The following EHD2 variants were observed in gnomAD, a reference collection of about 807,000 sequenced individuals.
EHD2 encodes the protein EH domain-containing protein 2.
EHD2 carries 27 observed loss-of-function variants against 41.0 expected under a neutral mutation model. The observed-to-expected ratio is 0.66, with a 90% CI of 0.49 to 0.91. The LOEUF is 0.91. Ranked by LOEUF, EHD2 falls within the 40% of genes least tolerant of loss-of-function variation. The pLI is 0.00. For missense variants in EHD2, 673 were observed against 773.9 expected (o/e 0.87, Z 1.55); for synonymous variants, 342 against 341.0 (o/e 1.00, Z -0.03).
Position 47,725,968 on chromosome 19 carries a change from A to G in EHD2, c.659A>G (p.Lys220Arg). The stretch of plus-strand genomic sequence containing the variant: ...GACAAGATCCGCGTGGTGCTCAACA[A>G]GGCCGACATGGTGGAGACGCAGCAG... ...HEDKIRVVLN[K>R]ADMVETQQLM... Residue 220 changes from lysine to arginine, a missense_variant, in exon 4 of 6, where the codon AAG becomes AGG. Physicochemically the swap from Lys to Arg is conservative, Grantham distance 26. Transcript: ENST00000263277. 1 of 1,613,032 alleles carries G rather than the reference A, an allele frequency of 6.2e-7. No individual in the cohort carries two copies. The highest frequency in any genetic ancestry group is 8.5e-7 in the Non-Finnish European group (1 of 1,179,238).
chr19:47,733,751 CAAAAAA>C (rs34254815), intron 4 of EHD2, among the ~76,000 whole-genome samples: 1 of 57,116 alleles, frequency 1.8e-5, no homozygotes, highest in Non-Finnish European at 3.3e-5. Context: ...GACTCTGTCT[CAAAAAA>C]AAAAAAAAAA....
intron 3 of EHD2, 96 bp from the exon 4 acceptor site, chr19:47,725,716 C>A: frequency 6.9e-7 from 1 of 1,454,892 alleles, no homozygotes; most frequent in East Asian, 2.3e-5. Context: ...TCTTTACAGT[C>A]CAATATGCAA....
chr19:47,722,249 A>G (rs1973704780), intron 3 of EHD2, among the ~76,000 whole-genome samples: 1 of 151,830 alleles, frequency 6.6e-6, no homozygotes. Context: ...CCCATCCCAC[A>G]CTGACTCAAC....
rs963586124 is a variant in EHD2, at chr19:47,741,163, G to A, written c.1363G>A (p.Glu455Lys). ...GACCAAGGACAAGTCCAAATACGAC[G>A]AGATCTTCTACAACCTGGCGCCTGC... ...VVTKDKSKYD[E>K]IFYNLAPADG... The change falls in exon 6 of 6, where the codon GAG (glutamate) becomes AAG (lysine). Residue 455 changes from glutamate to lysine, a missense_variant. Transcript: ENST00000263277. This position sits in a 1 kb window ranked among gnomAD's most constrained non-coding sequence, Gnocchi z 4.5. The A allele has an allele frequency of 6.2e-6, 10 of 1,613,246 alleles. No individual in the cohort carries two copies. Among genetic ancestry groups the A allele is most frequent in the African/African-American group, 1.3e-5 (1 of 74,928 alleles).
intron 3 of EHD2, among the ~76,000 whole-genome samples, chr19:47,723,653 G>GA (rs11407002): frequency 0.5 from 35,258 of 71,058 alleles, 8,631 homozygotes; most frequent in Middle Eastern, 0.56. Context: ...GACTCCGTCT[G>GA]AAAAAAAAAA....
intron 4 of EHD2, among the ~76,000 whole-genome samples, chr19:47,728,570 T>A (rs1330452661): frequency 7.2e-6 from 1 of 139,562 alleles, no homozygotes; most frequent in Non-Finnish European, 1.6e-5. Context: ...TTTCTTTCTT[T>A]CTTTTTTTTT....
At chr19:47,740,236 G>A (rs992311749) in intron 5 of EHD2, among the ~76,000 whole-genome samples, 7 of 151,686 alleles carry the variant, frequency 4.6e-5, no homozygotes, top group Non-Finnish European at 8.8e-5. Flanking sequence ...GCGTAGTGGC[G>A]CACACCTATA....
chr19:47,726,173 C>G lies in EHD2; in HGVS notation c.864C>G (p.His288Gln), dbSNP rs1217864352. ...LFRDIQGLPR[H>Q]AALRKLNDLV... ...GCGACATCCAGGGCCTGCCCCGGCA[C>G]GCAGCCTTGCGCAAGCTCAACGACC... Residue 288 changes from histidine (H) to glutamine (Q), a missense_variant, in exon 4 of 6, where the codon CAC becomes CAG. Coordinates refer to ENST00000263277, the MANE Select transcript of EHD2 (RefSeq NM_014601.4). 1.3e-6 allele frequency: 2 copies of G among 1,564,812 alleles called. No homozygotes were observed. Among genetic ancestry groups the G allele is most frequent in the African/African-American group, 1.4e-5 (1 of 73,794 alleles).
intron 4 of EHD2, among the ~76,000 whole-genome samples, chr19:47,732,833 C>T (rs1240691511): frequency 6.6e-6 from 1 of 152,040 alleles, no homozygotes; most frequent in African/African-American, 2.4e-5. Flanking sequence ...CCTGTAATCC[C>T]AGCACTTTGG....
chr19:47,724,442 T>C (rs11879049), intron 3 of EHD2, among the ~76,000 whole-genome samples: 25,906 of 152,172 alleles, frequency 0.17, 2,577 homozygotes, highest in African/African-American at 0.27. Context: ...GGTCACACAG[T>C]GGATGGGGGC....
At chr19:47,728,571 C>CTTTTTT (rs761204748) in intron 4 of EHD2, among the ~76,000 whole-genome samples, 2 of 131,158 alleles carry the variant, frequency 1.5e-5, no homozygotes, top group Non-Finnish European at 3.2e-5. Flanking sequence ...TTCTTTCTTT[C>CTTTTTT]TTTTTTTTTT....
Position 47,731,279 on chromosome 19 carries a change from A to AAAAATAT in EHD2, c.915+5056_915+5057insAAATATA. ...ATTTGTGATTCTTTAAAAAAAAAAA[A>AAAAATAT]ATATATATATATATATATATATACA... On this transcript the variant is annotated intron_variant, in intron 4 of 5. Transcript: ENST00000263277. 6.9e-3 allele frequency: 423 copies of AAAAATAT among 60,918 alleles called. 8 individuals carry two copies. Among genetic ancestry groups the AAAAATAT allele is most frequent in the African/African-American group, 0.019 (389 of 20,468 alleles). The allele number at this position is 60,918 out of a possible 1,614,324, so 3.8% of individuals were successfully genotyped here.
intron 3 of EHD2, among the ~76,000 whole-genome samples, chr19:47,723,043 C>G (rs956284043): frequency 6.6e-6 from 1 of 152,218 alleles, no homozygotes; most frequent in African/African-American, 2.4e-5. Flanking sequence ...CCTCCGGGTT[C>G]CCACTCTGCC....
intron 3 of EHD2, among the ~76,000 whole-genome samples, chr19:47,722,694 TA>T (rs1973709944): frequency 1.3e-5 from 2 of 151,912 alleles, no homozygotes; most frequent in Admixed American, 6.6e-5. Context: ...GCCTCCCGAA[TA>T]GCTGGGATTA....
intron 2 of EHD2, among the ~76,000 whole-genome samples, chr19:47,718,195 C>T (rs544366366): frequency 6.6e-6 from 1 of 150,542 alleles, no homozygotes; most frequent in South Asian, 2.1e-4. Flanking sequence ...ATCACTTGAA[C>T]TCGGGAGGCG....
chr19:47,722,421 G>A (rs921874346), intron 3 of EHD2, among the ~76,000 whole-genome samples: 2 of 152,076 alleles, frequency 1.3e-5, no homozygotes, highest in African/African-American at 2.4e-5. Context: ...ACCCCATCCC[G>A]GTCCCTGCGT....
chr19:47,729,826 T>C (rs1973790262), intron 4 of EHD2: 1 of 152,638 alleles, frequency 6.6e-6, no homozygotes. Flanking sequence ...TCTCTCTCTT[T>C]TTCTGTCTCT....
In EHD2 at chr19:47,737,646, G is replaced by A. The variant is rs114906959; in HGVS notation, c.1080+1113G>A. On this transcript the variant is annotated intron_variant, in intron 5 of 5. Coordinates refer to ENST00000263277, the MANE Select transcript of EHD2 (RefSeq NM_014601.4). ...CAATCCAGCCTGTGTGACCGAGTAA[G>A]ATTCTGTCTCAATAAATAAATAAAT... 9.6e-3 allele frequency among the ~76,000 whole-genome samples: 1,461 copies of A among 151,982 alleles called. 30 individuals carry two copies. Among genetic ancestry groups the A allele is most frequent in the African/African-American group, 0.034 (1,392 of 41,518 alleles).
intron 4 of EHD2, among the ~76,000 whole-genome samples, chr19:47,728,790 G>A (rs1478448027): frequency 6.6e-6 from 1 of 151,984 alleles, no homozygotes; most frequent in African/African-American, 2.4e-5. Flanking sequence ...GGCTGGTCTC[G>A]AACTCCCGAC....
Sources: gnomAD v4.1 joint callset for allele counts (sites outside exome capture counted in the v4.1 genomes callset) on GRCh38, gnomAD v4.1.1 for gene constraint, Gnocchi (gnomAD v3.1) non-coding constraint, MANE v1.5 for transcripts, NCBI Gene and HGNC (gene_info 2026-07-23, HGNC 2026-07-21) for gene names.